GABRA4: variants seen among roughly 807,000 people sequenced by gnomAD.
GABRA4 encodes gamma-aminobutyric acid type A receptor subunit alpha4, also known as gamma-aminobutyric acid receptor subunit alpha-4.
In GABRA4, 12 loss-of-function variants were observed where a neutral mutation model predicts 49.7. The observed-to-expected ratio is 0.24, with a 90% CI of 0.15 to 0.39. GABRA4 has a LOEUF of 0.39. GABRA4 is among the 10% of genes least tolerant of loss of function. The probability of loss-of-function intolerance (pLI) is 1.00; values close to 1 mark genes in which losing one functional copy is unlikely to be tolerated. For synonymous variants in GABRA4, 288 were observed against 240.2 expected (o/e 1.20, Z -1.84); for missense variants, 506 against 686.0 (o/e 0.74, Z 2.93).
At chr4:46,959,863 TGA>T (rs955913829) in intron 8 of GABRA4, among the ~76,000 whole-genome samples, 2 of 150,194 alleles carry the variant, frequency 1.3e-5, no homozygotes, top group African/African-American at 4.9e-5. Context: ...TGTGTGTGTG[TGA>T]GTGTGTCTCC....
Position 46,977,433 on chromosome 4 carries a change from A to G in GABRA4, c.471T>C (p.Asn157=), listed in dbSNP as rs767042484. 6.9e-6 allele frequency: 11 copies of G among 1,584,254 alleles called. 1 individual carries two copies. The highest frequency in any genetic ancestry group is 9.5e-6 in the Non-Finnish European group (11 of 1,155,124). Residue 157 remains asparagine, a synonymous_variant, in exon 4 of 9, where the codon AAT becomes AAC. Coordinates refer to ENST00000264318, the MANE Select transcript of GABRA4 (RefSeq NM_000809.4). ...APNKLFRIMR[N]GTILYTMRLT... ...ACCTCATTGTGTATAAAATAGTACC[A>G]TTTCTCATAATTCTAAAAAGCTTAT...
rs189962274 is a variant in GABRA4 at position 46,927,028 on chromosome 4, A to G, written c.*1197T>C. ...AAAATTTAGCATTTCACTAGCTAATATCTAGATCTATCTTGGGGAAAGCAC... is the reference window on the plus strand; with the variant it reads ...AAAATTTAGCATTTCACTAGCTAATGTCTAGATCTATCTTGGGGAAAGCAC... On this transcript the variant is annotated 3_prime_UTR_variant, in exon 9 of 9. Coordinates refer to ENST00000264318, the MANE Select transcript of GABRA4 (RefSeq NM_000809.4). The G allele has an allele frequency of 6.6e-6, 1 of 152,092 alleles. No individual in the cohort carries two copies. Among genetic ancestry groups the G allele is most frequent in the Admixed American group, 6.6e-5 (1 of 15,240 alleles). 9.4% of individuals were successfully genotyped at this position (152,092 alleles called of 1,614,324 possible). A position where few individuals can be genotyped will look rare whatever the true frequency, so the allele number is the denominator to read the frequency against.
intron 8 of GABRA4, among the ~76,000 whole-genome samples, chr4:46,957,374 C>T (rs1722402266): frequency 6.6e-6 from 1 of 151,730 alleles, no homozygotes; most frequent in Non-Finnish European, 1.5e-5. Context: ...GAGAAAATAG[C>T]TCTTTACTTT....
At chr4:46,978,663 G>A (rs1413136612) in intron 3 of GABRA4, among the ~76,000 whole-genome samples, 3 of 101,056 alleles carry the variant, frequency 3.0e-5, no homozygotes, top group Non-Finnish European at 5.9e-5. Flanking sequence ...CTCCAGCCTG[G>A]GCAACAAGAG....
chr4:46,927,659 C>T lies in GABRA4; in HGVS notation c.*566G>A, dbSNP rs1448619425. 1.3e-5 allele frequency: 2 copies of T among 152,476 alleles called. No individual in the cohort carries two copies. Among genetic ancestry groups the T allele is most frequent in the African/African-American group, 2.4e-5 (1 of 41,408 alleles). 9.4% of individuals were successfully genotyped at this position (152,476 alleles called of 1,614,324 possible). A position where few individuals can be genotyped will look rare whatever the true frequency, so the allele number is the denominator to read the frequency against. On this transcript the variant is annotated 3_prime_UTR_variant, in exon 9 of 9. Coordinates refer to ENST00000264318, the MANE Select transcript of GABRA4 (RefSeq NM_000809.4). ...CAACATAAGAAAGGGAAGATATTTCCTCTGGTCTTTGTCTTAGTTTTTTAT... is the reference window on the plus strand; with the variant it reads ...CAACATAAGAAAGGGAAGATATTTCTTCTGGTCTTTGTCTTAGTTTTTTAT...
In GABRA4 at chr4:46,928,120, C is replaced by A; in HGVS notation, c.*105G>T. ...CTTATATCTTTAAATGGAAAAATTA[C>A]ACAGAGTTTTTATTTTAGTAAAGAA... On this transcript the variant is annotated 3_prime_UTR_variant, in exon 9 of 9. Coordinates refer to ENST00000264318, the MANE Select transcript of GABRA4 (RefSeq NM_000809.4). The A allele has an allele frequency of 2.0e-6, 2 of 993,768 alleles. No homozygotes were observed. Among genetic ancestry groups the A allele is most frequent in the South Asian group, 2.0e-5 (1 of 49,512 alleles). The allele number at this position is 993,768 out of a possible 1,614,324, so 61.6% of individuals were successfully genotyped here.
At chr4:46,992,479 G>A (rs1034527519) in intron 2 of GABRA4, among the ~76,000 whole-genome samples, 1 of 152,162 alleles carries the variant, frequency 6.6e-6, no homozygotes. Flanking sequence ...TGCTCTGAGC[G>A]AAGTGGCCAG....
At chr4:46,985,456 T>C (rs1030040391) in intron 2 of GABRA4, among the ~76,000 whole-genome samples, 2 of 152,024 alleles carry the variant, frequency 1.3e-5, no homozygotes, top group Non-Finnish European at 2.9e-5. Context: ...AGGCTACATA[T>C]GGGCCAATAA....
chr4:46,965,372 G>A (rs1362699082), intron 7 of GABRA4, 143 bp from the exon 8 acceptor site: 1 of 610,474 alleles, frequency 1.6e-6, no homozygotes, highest in Non-Finnish European at 2.6e-6. Flanking sequence ...ATCTTTGATG[G>A]AGAATTGGAA....
intron 8 of GABRA4, among the ~76,000 whole-genome samples, chr4:46,962,804 C>T (rs189466997): frequency 3.3e-4 from 50 of 151,876 alleles, no homozygotes; most frequent in African/African-American, 1.2e-3. Flanking sequence ...AACAAATCCA[C>T]ACACCTAAGC....
chr4:46,925,582 GAA>G lies in GABRA4; in HGVS notation c.*2641_*2642del, dbSNP rs1024269826. On this transcript the variant is annotated 3_prime_UTR_variant, in exon 9 of 9. Coordinates refer to ENST00000264318, the MANE Select transcript of GABRA4 (RefSeq NM_000809.4). ...CATTCTTCTGAGATTTTCTAAGAGG[GAA>G]AAGTGACTGGCTCTTTGCAAAAGTG... 6.6e-6 allele frequency: 1 copy of G among 151,584 alleles called. No homozygotes were observed. Among genetic ancestry groups the G allele is most frequent in the East Asian group, 1.9e-4 (1 of 5,182 alleles). The allele number at this position is 151,584 out of a possible 1,614,324, so 9.4% of individuals were successfully genotyped here. A position where few individuals can be genotyped will look rare whatever the true frequency, so the allele number is the denominator to read the frequency against.
In GABRA4 at chr4:46,979,039, C is replaced by A. The variant is rs781301489; in HGVS notation, c.265G>T (p.Val89Phe). Residue 89 changes from valine (V) to phenylalanine (F), a missense_variant, in exon 3 of 9, where the codon GTT (valine) becomes TTT (phenylalanine). Val to Phe is a conservative substitution (Grantham distance 50). Transcript: ENST00000264318. ...ACTTCGAAAATACCTACCATTTCAA[C>A]ATCAGAAACAGGTCCAAAGCTGGTG... Reference protein sequence around the residue: ...YVTSFGPVSDVEMEYTMDVFF... With the variant: ...YVTSFGPVSDFEMEYTMDVFF... 6.2e-7 allele frequency: 1 copy of A among 1,607,960 alleles called. No homozygotes were observed. The highest frequency in any genetic ancestry group is 1.1e-5 in the South Asian group (1 of 90,820).
In GABRA4 at chr4:46,920,889, A is replaced by G. The variant is rs1431611594; in HGVS notation, c.*7336T>C. On this transcript the variant is annotated 3_prime_UTR_variant, in exon 9 of 9. Coordinates refer to ENST00000264318, the MANE Select transcript of GABRA4 (RefSeq NM_000809.4). ...ATTTATCCTTTACTACTTGTGTAAC[A>G]TAATCAACTCTGTCATAGCTTGAGG... 2 of 151,888 alleles carry G rather than the reference A, an allele frequency of 1.3e-5. No homozygotes were observed. Among genetic ancestry groups the G allele is most frequent in the East Asian group, 3.9e-4 (2 of 5,192 alleles). 9.4% of individuals were successfully genotyped at this position (151,888 alleles called of 1,614,324 possible).
rs1577778808 is a variant in GABRA4, at chr4:46,967,827, T to C, written c.875-2598A>G. Among the ~76,000 whole-genome samples, 4 of 151,612 alleles carry C rather than the reference T, an allele frequency of 2.6e-5. No individual in the cohort carries two copies. The South Asian group carries it at 8.3e-4, about 31-fold the overall frequency. ...GAAGCTGAGTGAGGATGTGTAAGAG[T>C]AGGCAAAGACTGTACACAAGAGTGA... On this transcript the variant is annotated intron_variant, in intron 7 of 8. Transcript: ENST00000264318.
intron 7 of GABRA4, among the ~76,000 whole-genome samples, chr4:46,970,872 A>T (rs1722929056): frequency 1.3e-5 from 2 of 151,540 alleles, no homozygotes; most frequent in Admixed American, 6.6e-5. Context: ...CAACAAGGGA[A>T]ATCTGATGCC....
At chr4:46,954,382 C>G (rs1235575571) in intron 8 of GABRA4, among the ~76,000 whole-genome samples, 1 of 144,096 alleles carries the variant, frequency 6.9e-6, no homozygotes, top group Non-Finnish European at 1.5e-5. Flanking sequence ...ATGGTGAAAC[C>G]CTGTCTCTAC....
At chr4:46,989,226 T>C (rs1723653444) in intron 2 of GABRA4, among the ~76,000 whole-genome samples, 1 of 152,204 alleles carries the variant, frequency 6.6e-6, no homozygotes, top group Non-Finnish European at 1.5e-5. Context: ...TCCTAAACCA[T>C]TTCCTGGTAG....
chr4:46,949,405 C>A (rs1217747463), intron 8 of GABRA4, among the ~76,000 whole-genome samples: 1 of 151,780 alleles, frequency 6.6e-6, no homozygotes, highest in Non-Finnish European at 1.5e-5. Flanking sequence ...AGGGTGATTA[C>A]CTAATCTATT....
intron 8 of GABRA4, among the ~76,000 whole-genome samples, chr4:46,932,111 T>C (rs1020350584): frequency 6.6e-6 from 1 of 152,106 alleles, no homozygotes; most frequent in African/African-American, 2.4e-5. Context: ...TCAGACATTC[T>C]GGGATACTTA....
Sources: gnomAD v4.1 joint callset for allele counts (sites outside exome capture counted in the v4.1 genomes callset) on GRCh38, gnomAD v4.1.1 for gene constraint, MANE v1.5 for transcripts, NCBI Gene and HGNC (gene_info 2026-07-23, HGNC 2026-07-21) for gene names.